Variants in GOLGA7B observed in about 807,000 individuals in gnomAD.
The protein encoded by GOLGA7B is golgin subfamily A member 7B.
A neutral mutation model predicts 21.5 loss-of-function variants in GOLGA7B; 17 were observed. That is an observed-to-expected ratio of 0.79 (90% CI 0.54 to 1.19). The LOEUF is 1.19. Ranked by LOEUF, GOLGA7B falls within the 50% of genes most tolerant of loss-of-function variation. The pLI is 0.00. For missense variants in GOLGA7B, 169 were observed against 224.4 expected, an observed-to-expected ratio of 0.75 and a Z score of 1.58; for synonymous variants, 87 against 84.0, an observed-to-expected ratio of 1.04 and a Z score of -0.19.
chr10:97,859,620 T>C (rs1255326089), intron 2 of GOLGA7B, 37 bp downstream of exon 2: 2 of 1,607,500 alleles, frequency 1.2e-6, no homozygotes, highest in East Asian at 2.2e-5. Context: ...AACCCAGGGC[T>C]GTGATGGAAC....
chr10:97,859,732 A>G (rs2049959132), intron 2 of GOLGA7B, 149 bp downstream of exon 2: 2 of 729,496 alleles, frequency 2.7e-6, no homozygotes, highest in Non-Finnish European at 4.2e-6. Context: ...ATTTTAAAAA[A>G]TCAAAAGGAT....
intron 2 of GOLGA7B, 113 bp downstream of exon 2, chr10:97,859,696 C>A: frequency 1.9e-6 from 2 of 1,059,388 alleles, no homozygotes; most frequent in Non-Finnish European, 2.7e-6. Flanking sequence ...GGACACGTAA[C>A]ATGTTTGGCC....
chr10:97,859,342 C>A, intron 1 of GOLGA7B, 116 bp from the exon 2 acceptor site: 1 of 1,049,958 alleles, frequency 9.5e-7, no homozygotes, highest in Non-Finnish European at 1.4e-6. Context: ...TCTCTGCATG[C>A]TGGGAACTTT....
At chr10:97,857,362 GACACACACAC>G (rs60908270) in intron 1 of GOLGA7B, among the ~76,000 whole-genome samples, 56 of 135,540 alleles carry the variant, frequency 4.1e-4, no homozygotes, top group Admixed American at 6.6e-4. Context: ...ACAATAGCCA[GACACACACAC>G]ACACACACAC....
At chr10:97,859,727 A>T in intron 2 of GOLGA7B, 144 bp downstream of exon 2, 1 of 763,998 alleles carries the variant, frequency 1.3e-6, no homozygotes, top group Non-Finnish European at 2.0e-6. Flanking sequence ...GATGAATTTT[A>T]AAAAATCAAA....
chr10:97,865,357 C>T (rs1382834502), intron 4 of GOLGA7B: 1 of 618,952 alleles, frequency 1.6e-6, no homozygotes, highest in Admixed American at 3.3e-5. Context: ...CTGCTGTGAT[C>T]ACAGCTATGT....
At position 97,864,245 on chromosome 10, in the gene GOLGA7B, C is replaced by A. The variant is rs200808621; in HGVS notation, c.369C>A (p.Asp123Glu). Residue 123 changes from aspartate (D) to glutamate (E), a missense_variant, in exon 4 of 5, where the codon GAC (aspartate) becomes GAA (glutamate). Physicochemically the swap from Asp to Glu is conservative, Grantham distance 45. Transcript: ENST00000370602. ...IFAPRGLLLT[D>E]PVERGMRVIE... ...CACCTCGAGGCCTCCTACTTACAGA[C>A]CCTGTGGAGCGTGGGATGAGGGTTG... 13 of 1,613,916 alleles carry A rather than the reference C, an allele frequency of 8.1e-6. No individual in the cohort carries two copies. Among genetic ancestry groups the A allele is most frequent in the East Asian group, 2.2e-5 (1 of 44,878 alleles).
chr10:97,850,023 C>T lies in GOLGA7B; in HGVS notation c.-281C>T, dbSNP rs954162086. On this transcript the variant is annotated 5_prime_UTR_variant, in exon 1 of 5. Coordinates refer to ENST00000370602, the MANE Select transcript of GOLGA7B (RefSeq NM_001010917.3). The stretch of plus-strand genomic sequence containing the variant: ...CGGCCGTTGCCTGCAGGAGCCGCGG[C>T]AGCGGGCGATCGGGCCGTGAGGAGC... Among the ~76,000 whole-genome samples the T allele has an allele frequency of 6.6e-6, 1 of 150,388 alleles. No individual in the cohort carries two copies. The highest frequency in any genetic ancestry group is 2.4e-5 in the African/African-American group (1 of 41,218).
chr10:97,852,170 T>A (rs929679747), intron 1 of GOLGA7B, among the ~76,000 whole-genome samples: 1 of 152,240 alleles, frequency 6.6e-6, no homozygotes, highest in Non-Finnish European at 1.5e-5. Flanking sequence ...AGGGATGGGA[T>A]AAGAACTTGA....
Position 97,865,826 on chromosome 10 carries a change from GAGGGA to G in GOLGA7B, c.*127_*131del. 4 of 778,974 alleles carry G rather than the reference GAGGGA, an allele frequency of 5.1e-6. No homozygotes were observed. The highest frequency in any genetic ancestry group is 7.4e-6 in the Non-Finnish European group (4 of 537,788). 48.3% of individuals were successfully genotyped at this position (778,974 alleles called of 1,614,324 possible). ...GGGCTCACCCTGCTGCCCGGGGTGG[GAGGGA>G]GGGTGACGGGCCTCATATTTCCTGT... On this transcript the variant is annotated 3_prime_UTR_variant, in exon 5 of 5. Transcript: ENST00000370602.
chr10:97,865,611 G>T lies in GOLGA7B; in HGVS notation c.415G>T (p.Asp139Tyr). The change falls in exon 5 of 5, where the codon GAC (aspartate) becomes TAC (tyrosine). Residue 139 changes from aspartate (D) to tyrosine (Y), a missense_variant. By Grantham distance (160) the Asp-to-Tyr change is radical. Coordinates refer to ENST00000370602, the MANE Select transcript of GOLGA7B (RefSeq NM_001010917.3). ...CCAGATTGAGATCTCCATCTACGAG[G>T]ACCGGTGCAGCAGTGGCAGCTCCAG... The part of the protein sequence containing the change: ...MRVIEISIYE[D>Y]RCSSGSSSSG... 2 of 1,613,660 alleles carry T rather than the reference G, an allele frequency of 1.2e-6. No homozygotes were observed. Among genetic ancestry groups the T allele is most frequent in the Middle Eastern group, 1.7e-4 (1 of 6,056 alleles).
At chr10:97,857,265 T>A (rs2049940943) in intron 1 of GOLGA7B, among the ~76,000 whole-genome samples, 1 of 152,040 alleles carries the variant, frequency 6.6e-6, no homozygotes, top group African/African-American at 2.4e-5. Flanking sequence ...TGGTGAGAAC[T>A]AGGGGTCCAG....
chr10:97,862,445 G>A (rs753654568), intron 2 of GOLGA7B, among the ~76,000 whole-genome samples: 5 of 152,120 alleles, frequency 3.3e-5, no homozygotes, highest in Non-Finnish European at 5.9e-5. Flanking sequence ...CACACATTTT[G>A]CATGTTATGT....
intron 2 of GOLGA7B, among the ~76,000 whole-genome samples, chr10:97,860,775 G>A (rs1032202481): frequency 5.9e-5 from 9 of 152,168 alleles, no homozygotes; most frequent in East Asian, 1.9e-4. Flanking sequence ...CAGAAACAGC[G>A]CTGCTTCTCA....
At chr10:97,855,010 G>A (rs1051022299) in intron 1 of GOLGA7B, among the ~76,000 whole-genome samples, 10 of 152,154 alleles carry the variant, frequency 6.6e-5, no homozygotes, top group Admixed American at 6.6e-5. Context: ...CATGGCATTC[G>A]TCACTTCCTC....
intron 1 of GOLGA7B, among the ~76,000 whole-genome samples, chr10:97,852,155 G>A (rs2049909324): frequency 6.6e-6 from 1 of 152,206 alleles, no homozygotes; most frequent in South Asian, 2.1e-4. Context: ...TGGCTAAAAG[G>A]TGGCAGGGAT....
intron 2 of GOLGA7B, 44 bp from the exon 3 acceptor site, chr10:97,863,886 C>G (rs371534351): frequency 8.7e-5 from 138 of 1,580,346 alleles, no homozygotes; most frequent in Non-Finnish European, 1.1e-4. Context: ...ACTGTGCACA[C>G]TCCAGGGAGG....
intron 1 of GOLGA7B, among the ~76,000 whole-genome samples, chr10:97,857,289 A>G (rs2049941182): frequency 6.6e-6 from 1 of 151,770 alleles, no homozygotes; most frequent in Non-Finnish European, 1.5e-5. Flanking sequence ...ATTCTTTTGC[A>G]CATGGTCAGC....
intron 1 of GOLGA7B, among the ~76,000 whole-genome samples, chr10:97,855,444 C>T (rs1449362771): frequency 6.6e-6 from 1 of 152,118 alleles, no homozygotes; most frequent in Non-Finnish European, 1.5e-5. Flanking sequence ...AAGCTGAGTC[C>T]ATATCAGAAT....
Sources: gnomAD v4.1 joint callset for allele counts (sites outside exome capture counted in the v4.1 genomes callset) on GRCh38, gnomAD v4.1.1 for gene constraint, MANE v1.5 for transcripts, NCBI Gene and HGNC (gene_info 2026-07-23, HGNC 2026-07-21) for gene names.